Variants in CATSPER3 observed in about 807,000 individuals in gnomAD.
CATSPER3 encodes the protein cation channel sperm associated 3, also known as cation channel sperm-associated protein 3.
A neutral mutation model predicts 36.6 loss-of-function variants in CATSPER3; 23 were observed. That is an observed-to-expected ratio of 0.63 (90% CI 0.45 to 0.89). The LOEUF (loss-of-function observed/expected upper bound fraction) is 0.89, where lower values mean the gene tolerates loss of function less well. Ranked by LOEUF, CATSPER3 falls within the 40% of genes least tolerant of loss-of-function variation. CATSPER3 has a pLI of 0.00. For missense variants in CATSPER3, 474 were observed against 503.9 expected (o/e 0.94, Z 0.57); for synonymous variants, 172 against 184.1 (o/e 0.93, Z 0.53).
chr5:134,987,221 A>G (rs1580907424), intron 2 of CATSPER3, among the ~76,000 whole-genome samples: 1 of 152,236 alleles, frequency 6.6e-6, no homozygotes, highest in South Asian at 2.1e-4. Flanking sequence ...GGAGAATACT[A>G]TAAGCAATTA....
intron 2 of CATSPER3, among the ~76,000 whole-genome samples, chr5:134,977,231 A>G (rs1751685040): frequency 1.3e-5 from 2 of 152,160 alleles, no homozygotes; most frequent in South Asian, 2.1e-4. Flanking sequence ...CCAGACTTTT[A>G]TACTGTGCTT....
chr5:134,996,608 C>T, intron 3 of CATSPER3, 96 bp downstream of exon 3: 8 of 1,273,456 alleles, frequency 6.3e-6, no homozygotes, highest in Non-Finnish European at 7.8e-6. Flanking sequence ...CTACCATCTT[C>T]CAGTTGTTGA....
At chr5:135,006,409 C>T (rs1752086357) in intron 3 of CATSPER3, among the ~76,000 whole-genome samples, 1 of 152,188 alleles carries the variant, frequency 6.6e-6, no homozygotes, top group Admixed American at 6.5e-5. Flanking sequence ...ACCCAGTGTT[C>T]CTCCCTTCCC....
At chr5:134,987,780 A>G (rs1378539596) in intron 2 of CATSPER3, among the ~76,000 whole-genome samples, 2 of 152,218 alleles carry the variant, frequency 1.3e-5, no homozygotes, top group Non-Finnish European at 2.9e-5. Flanking sequence ...TTAAACTACA[A>G]ATAGAAAGGA....
chr5:134,978,969 G>A (rs540910111), intron 2 of CATSPER3, among the ~76,000 whole-genome samples: 9 of 152,064 alleles, frequency 5.9e-5, no homozygotes, highest in African/African-American at 1.9e-4. Flanking sequence ...TGATCTGCCC[G>A]CCTCGGCCTC....
chr5:134,997,336 A>G (rs72800372), intron 3 of CATSPER3, among the ~76,000 whole-genome samples: 216 of 152,284 alleles, frequency 1.4e-3, no homozygotes, highest in Non-Finnish European at 2.7e-3. Flanking sequence ...CCTGCTGCAT[A>G]CACACCTTTG....
intron 3 of CATSPER3, among the ~76,000 whole-genome samples, chr5:135,007,519 C>T (rs1257923485): frequency 1.3e-5 from 2 of 152,216 alleles, no homozygotes; most frequent in South Asian, 2.1e-4. Context: ...ACATTCCTCT[C>T]GGCCTTCTGT....
In CATSPER3 at chr5:134,996,439, C is replaced by T. The variant is rs1489882370; in HGVS notation, c.419C>T (p.Thr140Ile). The T allele has an allele frequency of 6.2e-7, 1 of 1,614,162 alleles. No individual in the cohort carries two copies. The change falls in exon 3 of 8, where the codon ACT becomes ATT. Residue 140 changes from threonine to isoleucine, a missense_variant. Thr to Ile is a moderately conservative substitution (Grantham distance 89). Coordinates refer to ENST00000282611, the MANE Select transcript of CATSPER3 (RefSeq NM_178019.3). ...CGCCAGCTCATGGGCAAACAGTTCA[C>T]TTACCTGTATATCGCTGATGGCATG... is the stretch of plus-strand genomic sequence containing the variant. ...ALRQLMGKQF[T>I]YLYIADGMQS...
intron 2 of CATSPER3, among the ~76,000 whole-genome samples, chr5:134,978,332 G>C (rs76347824): frequency 6.6e-6 from 1 of 152,250 alleles, no homozygotes; most frequent in African/African-American, 2.4e-5. Context: ...AAGAAATGGC[G>C]TGTTTGAGGT....
chr5:135,007,807 C>CA, intron 3 of CATSPER3, 150 bp from the exon 4 acceptor site: 3 of 122,270 alleles, frequency 2.5e-5, no homozygotes, highest in South Asian at 3.0e-4. Flanking sequence ...CCAACCAACC[C>CA]ACCCACCCAC....
intron 2 of CATSPER3, among the ~76,000 whole-genome samples, chr5:134,979,197 C>T (rs1013253411): frequency 9.9e-5 from 15 of 152,062 alleles, no homozygotes; most frequent in African/African-American, 2.7e-4. Flanking sequence ...AGTGCAGAGG[C>T]GTGATCACAG....
intron 6 of CATSPER3, 68 bp from the exon 7 acceptor site, chr5:135,010,305 T>A (rs1752164885): frequency 7.2e-7 from 1 of 1,396,550 alleles, no homozygotes; most frequent in Non-Finnish European, 1.0e-6. Context: ...CTGGAGAGTC[T>A]CCATGTCTCT....
chr5:134,996,124 CG>C, intron 2 of CATSPER3, 148 bp from the exon 3 acceptor site: 1 of 964,778 alleles, frequency 1.0e-6, no homozygotes, highest in Non-Finnish European at 1.6e-6. Flanking sequence ...GCACACTGAG[CG>C]TGTGCTGTGT....
At chr5:134,979,933 C>T (rs1014338647) in intron 2 of CATSPER3, among the ~76,000 whole-genome samples, 1 of 143,932 alleles carries the variant, frequency 6.9e-6, no homozygotes, top group Non-Finnish European at 1.5e-5. Context: ...CTCCCTCCCT[C>T]CCACCCTCAT....
rs1051336610 is a variant in CATSPER3, at chr5:134,968,427, G to A, written c.98+338G>A. ...ATATACATTCTGGCTGGGCACGGTG[G>A]CTCACACCTGTAATCCCTGCACTTT... On this transcript the variant is annotated intron_variant, in intron 1 of 7. Coordinates refer to ENST00000282611, the MANE Select transcript of CATSPER3 (RefSeq NM_178019.3). The A allele has an allele frequency of 1.8e-5, 6 of 335,416 alleles. No homozygotes were observed. The Admixed American group carries it at 2.6e-4, about 14-fold the overall frequency. 20.8% of individuals were successfully genotyped at this position (335,416 alleles called of 1,614,324 possible). A position where few individuals can be genotyped will look rare whatever the true frequency, so the allele number is the denominator to read the frequency against.
At chr5:134,996,125 G>A (rs533048465) in intron 2 of CATSPER3, 148 bp from the exon 3 acceptor site, 119 of 967,698 alleles carry the variant, frequency 1.2e-4, no homozygotes, top group South Asian at 1.7e-4. Flanking sequence ...CACACTGAGC[G>A]TGTGCTGTGT....
intron 6 of CATSPER3, among the ~76,000 whole-genome samples, 164 bp downstream of exon 6, chr5:135,009,654 G>C (rs1424848968): frequency 4.4e-4 from 2 of 4,536 alleles, no homozygotes; most frequent in African/African-American, 4.4e-3. Flanking sequence ...TATAGAATCA[G>C]CCTTTATTCT....
intron 2 of CATSPER3, among the ~76,000 whole-genome samples, chr5:134,993,862 C>T (rs1308255426): frequency 6.6e-6 from 1 of 152,198 alleles, no homozygotes; most frequent in East Asian, 1.9e-4. Flanking sequence ...CAGTGGCTCA[C>T]ACCTGTAATC....
In CATSPER3 at chr5:134,970,631, G is replaced by A. The variant is rs374126360; in HGVS notation, c.252+539G>A. On this transcript the variant is annotated intron_variant, in intron 2 of 7. Transcript: ENST00000282611. Reference sequence around the variant, plus strand: ...CTGTTGCCCAACCTGCAGTGCAATGGTGCTATCTTGGCTCACTGCAACCTC... The same window carrying A: ...CTGTTGCCCAACCTGCAGTGCAATGATGCTATCTTGGCTCACTGCAACCTC... Among the ~76,000 whole-genome samples the A allele has an allele frequency of 6.0e-5, 9 of 149,634 alleles. No individual in the cohort carries two copies. The East Asian group carries it at 1.8e-3, about 29-fold the overall frequency.
Sources: allele counts gnomAD v4.1 joint callset (sites outside exome capture counted in the v4.1 genomes callset), GRCh38; gene constraint gnomAD v4.1.1; transcripts MANE v1.5; gene names NCBI Gene and HGNC (gene_info 2026-07-23, HGNC 2026-07-21).